Variants in DPH6 observed in about 807,000 individuals in gnomAD.
DPH6 encodes the protein diphthine--ammonia ligase.
In DPH6, 33 loss-of-function variants were observed where a neutral mutation model predicts 38.2. The ratio of observed to expected loss-of-function variants is 0.86; its 90% CI spans 0.65 to 1.15. DPH6 has a LOEUF of 1.15. DPH6 is among the 50% of genes most tolerant of loss of function. The pLI, the probability that DPH6 is intolerant of heterozygous loss-of-function variation, is 0.00. For missense variants in DPH6, 325 were observed against 320.0 expected, an observed-to-expected ratio of 1.02 and a Z score of -0.12; for synonymous variants, 108 against 103.0, an observed-to-expected ratio of 1.05 and a Z score of -0.30.
At chr15:35,338,469 A>G (rs972683597) in intron 3 of DPH6, among the ~76,000 whole-genome samples, 2 of 152,252 alleles carry the variant, frequency 1.3e-5, no homozygotes. Context: ...ATACAAATCG[A>G]AACCACAATG....
intron 3 of DPH6, chr15:35,298,709 A>G: frequency 6.3e-7 from 1 of 1,581,132 alleles, no homozygotes; most frequent in Admixed American, 1.7e-5. Flanking sequence ...GCCCTCCCGG[A>G]AGCCGTACTT....
chr15:35,451,806 C>T lies in DPH6; in HGVS notation c.387-1003G>A, dbSNP rs1011859962. ...CGGGTGGATCACGAGGTCAGGAAAT[C>T]GAGACCATCCTGGCTAACACGGTGA... On this transcript the variant is annotated intron_variant, in intron 4 of 8. Transcript: ENST00000256538. 5.7e-4 allele frequency among the ~76,000 whole-genome samples: 87 copies of T among 152,230 alleles called. 1 individual carries two copies. The highest frequency in any genetic ancestry group is 2.6e-4 in the Admixed American group (4 of 15,304).
chr15:35,357,067 T>C lies in DPH6; in HGVS notation n.207+16454A>G, dbSNP rs1284797715. Among the ~76,000 whole-genome samples, 5 of 152,196 alleles carry C rather than the reference T, an allele frequency of 3.3e-5. No individual in the cohort carries two copies. The East Asian group carries it at 9.6e-4, about 29-fold the overall frequency. On this transcript the variant is annotated intron_variant and non_coding_transcript_variant, in intron 3 of 3. Transcript: ENST00000558973. ...AGCAATGAGCGAGGCTCCGTGGGCG[T>C]AGGACTCTCCTAGCCATGTGCGGGA...
At chr15:35,321,899 G>A (rs1016787167) in intron 3 of DPH6, among the ~76,000 whole-genome samples, 1 of 152,176 alleles carries the variant, frequency 6.6e-6, no homozygotes, top group Admixed American at 6.5e-5. Flanking sequence ...GCCCACACAG[G>A]AGAACTGAAG....
intron 3 of DPH6, among the ~76,000 whole-genome samples, chr15:35,294,252 A>G (rs2051999773): frequency 6.6e-6 from 1 of 152,152 alleles, no homozygotes; most frequent in Admixed American, 6.5e-5. Context: ...TCCTTGAAGA[A>G]CTATAACAAT....
the DPH6 span, among the ~76,000 whole-genome samples, chr15:35,150,727 C>T: frequency 6.6e-6 from 1 of 152,158 alleles, no homozygotes; most frequent in Non-Finnish European, 1.5e-5. Flanking sequence ...GTAATAAAAA[C>T]AATCACAAAG....
At chr15:35,525,854 C>T (rs1308276888) in intron 3 of DPH6, among the ~76,000 whole-genome samples, 1 of 152,014 alleles carries the variant, frequency 6.6e-6, no homozygotes, top group Non-Finnish European at 1.5e-5. Flanking sequence ...AACATTTTTC[C>T]TCTCCCAGAA....
the DPH6 span, among the ~76,000 whole-genome samples, chr15:35,200,055 A>G: frequency 6.6e-6 from 1 of 152,108 alleles, no homozygotes; most frequent in African/African-American, 2.4e-5. Flanking sequence ...CAAAAAAATA[A>G]GAAATAAATA....
At chr15:35,216,314 C>G (rs751548588), downstream of DPH6, among the ~76,000 whole-genome samples, 23 of 152,214 alleles carry the variant, frequency 1.5e-4, no homozygotes, top group Non-Finnish European at 7.4e-5. Flanking sequence ...CATACGATCT[C>G]ACAAACAAAG....
At chr15:35,279,062 A>ATAT (rs1454693937) in intron 3 of DPH6, among the ~76,000 whole-genome samples, 49 of 122,022 alleles carry the variant, frequency 4.0e-4, no homozygotes, top group Non-Finnish European at 6.6e-4. Flanking sequence ...AAAAAAAAAA[A>ATAT]AAAAAAATAT....
In DPH6 at chr15:35,448,300, A is replaced by G. The variant is rs570911167; in HGVS notation, c.505+2385T>C. ...CCAGTTACTGGAAAGAATGGATAAT[A>G]GATCTGCTATTTGGTCTTTTTGTTC... On this transcript the variant is annotated intron_variant, in intron 5 of 8. Coordinates refer to ENST00000256538, the MANE Select transcript of DPH6 (RefSeq NM_080650.4). Among the ~76,000 whole-genome samples the G allele has an allele frequency of 6.6e-5, 10 of 152,294 alleles. No individual in the cohort carries two copies. In the East Asian group the frequency reaches 1.7e-3, roughly 26 times the overall value.
At chr15:35,365,659 A>G (rs2052652025) in intron 3 of DPH6, among the ~76,000 whole-genome samples, 1 of 152,124 alleles carries the variant, frequency 6.6e-6, no homozygotes, top group Non-Finnish European at 1.5e-5. Flanking sequence ...ACATAGATTT[A>G]GGCTTCAAAA....
At chr15:35,201,400 C>T in the DPH6 span, among the ~76,000 whole-genome samples, 201 of 151,886 alleles carry the variant, frequency 1.3e-3, 1 homozygote, top group African/African-American at 4.6e-3. Context: ...TGCAAGAACA[C>T]ATTTTCATAT....
At chr15:35,473,829 A>C (rs144261447) in intron 3 of DPH6, among the ~76,000 whole-genome samples, 1 of 152,258 alleles carries the variant, frequency 6.6e-6, no homozygotes, top group African/African-American at 2.4e-5. Flanking sequence ...CACAACAATT[A>C]AAAATGAGAA....
At chr15:35,229,403 A>G (rs2051502637) in intron 3 of DPH6, among the ~76,000 whole-genome samples, 1 of 151,912 alleles carries the variant, frequency 6.6e-6, no homozygotes, top group Admixed American at 6.6e-5. Flanking sequence ...AATTATTTCA[A>G]TCTATTTGTT....
chr15:35,367,932 GAATAAAA>G, downstream of DPH6, among the ~76,000 whole-genome samples: 1 of 151,546 alleles, frequency 6.6e-6, no homozygotes, highest in South Asian at 2.1e-4. Flanking sequence ...GATTCTTTAT[GAATAAAA>G]AATAAAATAT....
chr15:35,542,673 G>A (rs1216142974), intron 1 of DPH6, among the ~76,000 whole-genome samples, 166 bp from the exon 2 acceptor site: 1 of 151,136 alleles, frequency 6.6e-6, no homozygotes, highest in Non-Finnish European at 1.5e-5. Flanking sequence ...CTGAGCAACC[G>A]AATCTGAATG....
intron 3 of DPH6, among the ~76,000 whole-genome samples, chr15:35,227,432 C>T (rs1367235444): frequency 6.6e-6 from 1 of 151,968 alleles, no homozygotes; most frequent in Non-Finnish European, 1.5e-5. Context: ...ATCCACCCAT[C>T]TCGGCCTCCC....
At chr15:35,533,379 G>A (rs771756676) in intron 3 of DPH6, among the ~76,000 whole-genome samples, 6 of 152,046 alleles carry the variant, frequency 3.9e-5, no homozygotes, top group Admixed American at 6.5e-5. Context: ...TATGTTACAC[G>A]TCAGATCAAT....
Sources: allele counts gnomAD v4.1 joint callset (sites outside exome capture counted in the v4.1 genomes callset), GRCh38; gene constraint gnomAD v4.1.1; transcripts MANE v1.5; gene names NCBI Gene and HGNC (gene_info 2026-07-23, HGNC 2026-07-21).